Variants in ATXN1 observed in about 807,000 individuals in gnomAD.
ATXN1 encodes ataxin-1.
A neutral mutation model predicts 56.4 loss-of-function variants in ATXN1; 8 were observed. The ratio of observed to expected loss-of-function variants is 0.14; its 90% CI spans 0.08 to 0.26. ATXN1 has a LOEUF of 0.26. Ranked by LOEUF, ATXN1 falls within the 10% of genes least tolerant of loss-of-function variation. The pLI, the probability that ATXN1 is intolerant of heterozygous loss-of-function variation, is 1.00. For synonymous variants in ATXN1, 514 were observed against 494.6 expected (o/e 1.04, Z -0.52); for missense variants, 987 against 1,106.5 (o/e 0.89, Z 1.53).
At chr6:16,724,693 C>T (rs1759812659) in intron 2 of ATXN1, among the ~76,000 whole-genome samples, 1 of 152,072 alleles carries the variant, frequency 6.6e-6, no homozygotes, top group South Asian at 2.1e-4. Context: ...GGAATGACGC[C>T]TTAATTTTTA....
At chr6:16,627,840 T>A (rs1235123971) in intron 3 of ATXN1, among the ~76,000 whole-genome samples, 2 of 151,384 alleles carry the variant, frequency 1.3e-5, no homozygotes, top group Admixed American at 6.6e-5. Context: ...AAGGGGGAGG[T>A]CAACTTGTGA....
intron 2 of ATXN1, among the ~76,000 whole-genome samples, chr6:16,664,567 T>A (rs1164740705): frequency 6.6e-6 from 1 of 152,132 alleles, no homozygotes; most frequent in African/African-American, 2.4e-5. Flanking sequence ...TCTCATATGT[T>A]CATGTGTATT....
intron 2 of ATXN1, among the ~76,000 whole-genome samples, chr6:16,669,625 T>C (rs1758497399): frequency 6.6e-6 from 1 of 151,402 alleles, no homozygotes; most frequent in Non-Finnish European, 1.5e-5. Flanking sequence ...ATTTGGTGAA[T>C]AGCAAACTGC....
chr6:16,313,468 T>TAG (rs891148721), intron 7 of ATXN1, among the ~76,000 whole-genome samples: 26 of 152,204 alleles, frequency 1.7e-4, no homozygotes, highest in African/African-American at 6.0e-4. Context: ...GAACCATAGC[T>TAG]AGAACAGCCT....
At chr6:16,647,863 G>A (rs762004878) in intron 3 of ATXN1, among the ~76,000 whole-genome samples, 1 of 152,158 alleles carries the variant, frequency 6.6e-6, no homozygotes, top group African/African-American at 2.4e-5. Context: ...ATCATCTGAG[G>A]TCAGGAGTTT....
chr6:16,723,144 C>T (rs528407393), intron 2 of ATXN1, among the ~76,000 whole-genome samples: 2 of 152,122 alleles, frequency 1.3e-5, no homozygotes, highest in African/African-American at 2.4e-5. Flanking sequence ...AAGTCACTGC[C>T]GTGATTTATA....
chr6:16,633,296 ATTAATTAATTAT>A (rs1763538554), intron 3 of ATXN1, among the ~76,000 whole-genome samples: 1 of 152,190 alleles, frequency 6.6e-6, no homozygotes, highest in South Asian at 2.1e-4. Flanking sequence ...AAACAAGGTA[ATTAATTAATTAT>A]TTAATTAATT....
chr6:16,540,065 G>T (rs1761682926), intron 4 of ATXN1, among the ~76,000 whole-genome samples: 1 of 152,188 alleles, frequency 6.6e-6, no homozygotes, highest in Non-Finnish European at 1.5e-5. Flanking sequence ...TCGAACACGG[G>T]ATGCATCTTC....
At chr6:16,434,764 G>A (rs1351146599) in intron 6 of ATXN1, among the ~76,000 whole-genome samples, 1 of 152,214 alleles carries the variant, frequency 6.6e-6, no homozygotes, top group Non-Finnish European at 1.5e-5. Flanking sequence ...ATTGAACGGG[G>A]AGAAACAGGA....
chr6:16,442,939 G>A (rs1320008296), intron 6 of ATXN1, among the ~76,000 whole-genome samples: 1 of 152,142 alleles, frequency 6.6e-6, no homozygotes, highest in East Asian at 1.9e-4. Flanking sequence ...TTAAACCCAG[G>A]AGGGTGAGGC....
At position 16,326,960 on chromosome 6, in the gene ATXN1, T is replaced by G. The variant is rs200111645; in HGVS notation, c.1351A>C (p.Thr451Pro). The G allele has an allele frequency of 2.5e-6, 4 of 1,614,080 alleles. No individual in the cohort carries two copies. Among genetic ancestry groups the G allele is most frequent in the Non-Finnish European group, 3.4e-6 (4 of 1,180,014 alleles). The change falls in exon 7 of 8, where the codon ACG (threonine) becomes CCG (proline). Residue 451 changes from threonine to proline, a missense_variant. Thr to Pro is a conservative substitution (Grantham distance 38). Transcript: ENST00000436367. This position sits in a 1 kb window ranked among gnomAD's most constrained non-coding sequence, Gnocchi z 6.6. ...SEPLPVGLPA[T>P]AFYAGTQPPV... is the part of the protein sequence containing the mutation. ...GGTTGAGTCCCTGCGTAGAAGGCCGTGGCTGGCAGTCCCACCGGGAGTGGC... is the reference window on the plus strand; with the variant it reads ...GGTTGAGTCCCTGCGTAGAAGGCCGGGGCTGGCAGTCCCACCGGGAGTGGC...
intron 6 of ATXN1, among the ~76,000 whole-genome samples, chr6:16,403,656 C>G (rs1758627365): frequency 6.6e-6 from 1 of 152,148 alleles, no homozygotes; most frequent in Non-Finnish European, 1.5e-5. Context: ...CGGCCCTAAG[C>G]TCTTTAAATG....
intron 6 of ATXN1, among the ~76,000 whole-genome samples, chr6:16,454,316 C>T (rs2113616939): frequency 6.6e-6 from 1 of 152,244 alleles, no homozygotes; most frequent in South Asian, 2.1e-4. Flanking sequence ...GTTTTCCCCA[C>T]TCCATATTGT....
chr6:16,510,635 G>C (rs749906002), intron 5 of ATXN1, among the ~76,000 whole-genome samples: 4 of 152,144 alleles, frequency 2.6e-5, no homozygotes, highest in Non-Finnish European at 5.9e-5. Context: ...TACTTGGGAG[G>C]CTAAGGTGGG....
chr6:16,437,770 T>C (rs1346060182), intron 6 of ATXN1, among the ~76,000 whole-genome samples: 2 of 152,224 alleles, frequency 1.3e-5, no homozygotes, highest in African/African-American at 4.8e-5. Context: ...CCTAAATGCA[T>C]AAGTTGGCTC....
At chr6:16,648,939 A>G (rs1561793120) in intron 3 of ATXN1, among the ~76,000 whole-genome samples, 3 of 151,938 alleles carry the variant, frequency 2.0e-5, no homozygotes, top group African/African-American at 7.2e-5. Flanking sequence ...AAAAAACTCT[A>G]TTTTATATAT....
chr6:16,669,988 C>A (rs1412596908), intron 2 of ATXN1, among the ~76,000 whole-genome samples: 1 of 152,088 alleles, frequency 6.6e-6, no homozygotes, highest in Non-Finnish European at 1.5e-5. Flanking sequence ...GACCCCCAAC[C>A]AAGAAAGGGT....
At chr6:16,553,947 G>C (rs1761965993) in intron 4 of ATXN1, among the ~76,000 whole-genome samples, 1 of 152,192 alleles carries the variant, frequency 6.6e-6, no homozygotes, top group Admixed American at 6.5e-5. Context: ...AAAGCATTTA[G>C]GGGTGGGAAC....
At chr6:16,659,095 T>C (rs1469355847) in intron 2 of ATXN1, among the ~76,000 whole-genome samples, 3 of 152,196 alleles carry the variant, frequency 2.0e-5, no homozygotes, top group Admixed American at 1.3e-4. Context: ...ACTAAAAACT[T>C]TTGAGGAGGA....
Sources: gnomAD v4.1 joint callset for allele counts (sites outside exome capture counted in the v4.1 genomes callset) on GRCh38, gnomAD v4.1.1 for gene constraint, Gnocchi (gnomAD v3.1) non-coding constraint, MANE v1.5 for transcripts, NCBI Gene and HGNC (gene_info 2026-07-23, HGNC 2026-07-21) for gene names.